Variants in RAD51B observed in about 807,000 individuals in gnomAD.
RAD51B encodes the protein RAD51 paralog B.
A neutral mutation model predicts 42.2 loss-of-function variants in RAD51B; 38 were observed. That is an observed-to-expected ratio of 0.90 (90% confidence interval 0.70 to 1.18). RAD51B has a LOEUF of 1.18. Among genes scored for constraint, RAD51B ranks in the 50% most tolerant of loss-of-function variants. The pLI is 0.00. For synonymous variants in RAD51B, 154 were observed against 145.2 expected (o/e 1.06, Z -0.43); for missense variants, 373 against 400.7 (o/e 0.93, Z 0.59).
At position 68,017,969 on chromosome 14, in the gene RAD51B, C is replaced by T. The variant is rs573407341; in HGVS notation, c.756+130765C>T. ...CTAGTGACAGAGCAAGACTCCGTCT[C>T]GAATAAATAAATAAATAAATAAATA... On this transcript the variant is annotated intron_variant, in intron 7 of 10. Transcript: ENST00000471583. 7.0e-4 allele frequency among the ~76,000 whole-genome samples: 88 copies of T among 124,962 alleles called. No individual in the cohort carries two copies. The Middle Eastern group carries it at 0.017, about 24-fold the overall frequency. The allele number at this position is 124,962 out of a possible 152,430, so 82.0% of individuals were successfully genotyped here.
chr14:68,484,359 C>CTTTTTTTTTTTTTTTTTTTTTT (rs10665607), intron 10 of RAD51B, among the ~76,000 whole-genome samples: 2 of 130,180 alleles, frequency 1.5e-5, no homozygotes, highest in Non-Finnish European at 3.2e-5. Context: ...CTTTCTTTTT[C>CTTTTTTTTTTTTTTTTTTTTTT]TTTTTTTTTT....
intron 9 of RAD51B, among the ~76,000 whole-genome samples, chr14:68,414,707 A>C (rs2084506927): frequency 6.6e-6 from 1 of 151,808 alleles, no homozygotes; most frequent in Non-Finnish European, 1.5e-5. Context: ...AAAAGGTGAG[A>C]CTTGAGTATT....
intron 7 of RAD51B, among the ~76,000 whole-genome samples, chr14:68,107,736 A>G (rs2140572034): frequency 6.6e-6 from 1 of 151,942 alleles, no homozygotes; most frequent in African/African-American, 2.4e-5. Context: ...TCTTCAACAC[A>G]TAATACTGGG....
chr14:68,622,723 CAAAAAAAAAA>C, intron 10 of RAD51B, among the ~76,000 whole-genome samples: 1 of 115,448 alleles, frequency 8.7e-6, no homozygotes, highest in African/African-American at 3.2e-5. Context: ...TATCCATTTA[CAAAAAAAAAA>C]AAAAAAAAAA....
chr14:68,478,846 G>A (rs1882934533), downstream of RAD51B, among the ~76,000 whole-genome samples: 1 of 152,228 alleles, frequency 6.6e-6, no homozygotes, highest in Admixed American at 6.5e-5. Flanking sequence ...TAACGACTCA[G>A]TATTTGTTGA....
chr14:68,021,391 C>T (rs1461030859), intron 7 of RAD51B, among the ~76,000 whole-genome samples: 4 of 152,122 alleles, frequency 2.6e-5, no homozygotes, highest in Non-Finnish European at 5.9e-5. Flanking sequence ...CTGGCTCTCC[C>T]GTGAGATGGT....
chr14:68,418,110 A>G lies in RAD51B; in HGVS notation c.957+6583A>G, dbSNP rs1411146411. ...GATTTACGCGATTTGAAGAGAAACC[A>G]GAGTATACCACCATGATGTTTTAAA... On this transcript the variant is annotated intron_variant, in intron 9 of 10. Coordinates refer to ENST00000471583, the MANE Select transcript of RAD51B (RefSeq NM_133510.4). Among the ~76,000 whole-genome samples, 6 of 152,268 alleles carry G rather than the reference A, an allele frequency of 3.9e-5. No individual in the cohort carries two copies. In the East Asian group the frequency reaches 1.2e-3, roughly 29 times the overall value.
At chr14:68,224,488 T>C (rs572855479) in intron 7 of RAD51B, among the ~76,000 whole-genome samples, 14 of 152,260 alleles carry the variant, frequency 9.2e-5, no homozygotes, top group Non-Finnish European at 2.1e-4. Context: ...ATATTCAACT[T>C]AAATATCACC....
chr14:68,020,716 C>T (rs2075850266), intron 7 of RAD51B, among the ~76,000 whole-genome samples: 1 of 152,066 alleles, frequency 6.6e-6, no homozygotes, highest in African/African-American at 2.4e-5. Flanking sequence ...GGTAATGCTA[C>T]TCAACTGTAC....
chr14:68,424,887 A>T (rs2084795606), intron 9 of RAD51B, among the ~76,000 whole-genome samples: 1 of 152,036 alleles, frequency 6.6e-6, no homozygotes, highest in Non-Finnish European at 1.5e-5. Context: ...CAATTCTTCC[A>T]CCTTAGCCTC....
At chr14:68,019,114 G>A (rs2075822476) in intron 7 of RAD51B, among the ~76,000 whole-genome samples, 1 of 151,288 alleles carries the variant, frequency 6.6e-6, no homozygotes, top group Non-Finnish European at 1.5e-5. Context: ...GAAACACCCA[G>A]TAAACATATA....
At chr14:68,470,846 G>C (rs937395238) in intron 10 of RAD51B, 5 of 383,874 alleles carry the variant, frequency 1.3e-5, no homozygotes, top group African/African-American at 1.0e-4. Flanking sequence ...CATCAGCTTT[G>C]TCCGATCCTC....
chr14:68,334,541 T>C (rs1284115208), intron 8 of RAD51B, among the ~76,000 whole-genome samples: 1 of 152,014 alleles, frequency 6.6e-6, no homozygotes, highest in Non-Finnish European at 1.5e-5. Flanking sequence ...CAGGTTGGAG[T>C]AGCTTTATTG....
At chr14:68,252,607 TA>T (rs1287432030) in intron 7 of RAD51B, among the ~76,000 whole-genome samples, 1 of 152,220 alleles carries the variant, frequency 6.6e-6, no homozygotes, top group Non-Finnish European at 1.5e-5. Context: ...TCTTTTTGTA[TA>T]ACAACATTGC....
intron 7 of RAD51B, among the ~76,000 whole-genome samples, chr14:68,258,625 G>A (rs1344539909): frequency 6.6e-6 from 1 of 152,120 alleles, no homozygotes; most frequent in East Asian, 1.9e-4. Context: ...GGGTGTGTGT[G>A]TGTGCGTATG....
intron 7 of RAD51B, among the ~76,000 whole-genome samples, chr14:68,286,003 A>G (rs1463624318): frequency 1.3e-5 from 2 of 152,350 alleles, no homozygotes; most frequent in Non-Finnish European, 1.5e-5. Context: ...TTTTATCACA[A>G]GATTGATCTT....
intron 10 of RAD51B, among the ~76,000 whole-genome samples, chr14:68,512,219 T>A (rs1264141138): frequency 6.6e-6 from 1 of 152,230 alleles, no homozygotes; most frequent in Non-Finnish European, 1.5e-5. Context: ...CCTGGCAGTG[T>A]GGCCCAAAGG....
At chr14:68,388,417 A>G (rs745854545) in intron 8 of RAD51B, among the ~76,000 whole-genome samples, 4 of 152,000 alleles carry the variant, frequency 2.6e-5, no homozygotes, top group Non-Finnish European at 4.4e-5. Context: ...TTGTTCTTCT[A>G]GTTGGTTTTC....
At chr14:67,848,984 A>G (rs911340204) in intron 4 of RAD51B, among the ~76,000 whole-genome samples, 1 of 152,132 alleles carries the variant, frequency 6.6e-6, no homozygotes, top group African/African-American at 2.4e-5. Flanking sequence ...CTGTCCATGC[A>G]TTACCATTCT....
Sources: allele counts gnomAD v4.1 joint callset (sites outside exome capture counted in the v4.1 genomes callset), GRCh38; gene constraint gnomAD v4.1.1; transcripts MANE v1.5; gene names NCBI Gene and HGNC (gene_info 2026-07-23, HGNC 2026-07-21).